GABRG3: variants seen among roughly 807,000 people sequenced by gnomAD.
GABRG3 encodes gamma-aminobutyric acid receptor subunit gamma-3.
Under a neutral mutation model 48.8 loss-of-function variants are expected in GABRG3, and 25 were observed. The observed-to-expected ratio is 0.51, with a 90% CI of 0.37 to 0.72. The LOEUF (loss-of-function observed/expected upper bound fraction) is 0.72, where lower values mean the gene tolerates loss of function less well. Ranked by LOEUF, GABRG3 falls within the 30% of genes least tolerant of loss-of-function variation. The probability of loss-of-function intolerance (pLI) is 0.00; values close to 1 mark genes in which losing one functional copy is unlikely to be tolerated. For synonymous variants in GABRG3, 227 were observed against 217.6 expected, an observed-to-expected ratio of 1.04 and a Z score of -0.38; for missense variants, 394 against 577.9, an observed-to-expected ratio of 0.68 and a Z score of 3.26.
chr15:27,397,947 G>A lies in GABRG3; in HGVS notation c.574+69059G>A, dbSNP rs569495772. Among the ~76,000 whole-genome samples the A allele has an allele frequency of 2.0e-5, 3 of 151,994 alleles. No individual in the cohort carries two copies. In the East Asian group the frequency reaches 5.8e-4, roughly 30 times the overall value. On this transcript the variant is annotated intron_variant, in intron 5 of 9. Coordinates refer to ENST00000615808, the MANE Select transcript of GABRG3 (RefSeq NM_033223.5). ...AGCCTCCCGAGTAGCTGGGACTACAGGCGCCCGCCACCACGCCCGGCTAAA... is the reference window on the plus strand; with the variant it reads ...AGCCTCCCGAGTAGCTGGGACTACAAGCGCCCGCCACCACGCCCGGCTAAA...
intron 6 of GABRG3, among the ~76,000 whole-genome samples, chr15:27,491,459 G>GT: frequency 6.6e-6 from 1 of 152,272 alleles, no homozygotes. Flanking sequence ...TCCGTAGGGG[G>GT]TTTCCTTGAG....
intron 2 of GABRG3, among the ~76,000 whole-genome samples, chr15:27,016,497 G>T (rs939472623): frequency 2.0e-5 from 3 of 152,032 alleles, no homozygotes; most frequent in Non-Finnish European, 4.4e-5. Context: ...CCTTGTACAT[G>T]ATAAGTCACT....
intron 3 of GABRG3, among the ~76,000 whole-genome samples, chr15:27,028,116 T>C (rs1269542073): frequency 6.6e-6 from 1 of 152,184 alleles, no homozygotes; most frequent in Non-Finnish European, 1.5e-5. Flanking sequence ...TAGACGGGAA[T>C]TTTCATGTGG....
intron 3 of GABRG3, among the ~76,000 whole-genome samples, chr15:27,228,186 A>G (rs1889684607): frequency 6.6e-6 from 1 of 152,220 alleles, no homozygotes; most frequent in South Asian, 2.1e-4. Context: ...TATTAAGCTC[A>G]GTTCCCAATA....
intron 5 of GABRG3, among the ~76,000 whole-genome samples, chr15:27,469,719 A>G (rs909632657): frequency 1.3e-5 from 2 of 152,124 alleles, no homozygotes; most frequent in Non-Finnish European, 2.9e-5. Flanking sequence ...CAAATCTCAC[A>G]CATCCTAGGT....
intron 3 of GABRG3, among the ~76,000 whole-genome samples, chr15:27,124,702 A>G (rs1897788887): frequency 6.6e-6 from 1 of 152,190 alleles, no homozygotes; most frequent in Non-Finnish European, 1.5e-5. Flanking sequence ...GGGAAGGCCC[A>G]GTAGACCCTG....
intron 3 of GABRG3, among the ~76,000 whole-genome samples, chr15:27,135,511 A>T (rs749990057): frequency 2.6e-5 from 4 of 151,722 alleles, no homozygotes; most frequent in Non-Finnish European, 4.4e-5. Context: ...GATCATTTGG[A>T]TGGATCAGAC....
chr15:27,015,784 T>C (rs1033870942), intron 2 of GABRG3, among the ~76,000 whole-genome samples: 1 of 152,164 alleles, frequency 6.6e-6, no homozygotes, highest in Non-Finnish European at 1.5e-5. Context: ...TTACATGAAA[T>C]ATAACAATCT....
intron 3 of GABRG3, among the ~76,000 whole-genome samples, chr15:27,215,188 G>T (rs1025093387): frequency 6.6e-6 from 1 of 152,274 alleles, no homozygotes; most frequent in Non-Finnish European, 1.5e-5. Flanking sequence ...CTCCTTGCAG[G>T]GGGAAGTGAG....
chr15:27,103,886 C>A (rs1362914559), intron 3 of GABRG3, among the ~76,000 whole-genome samples: 1 of 152,200 alleles, frequency 6.6e-6, no homozygotes, highest in Admixed American at 6.5e-5. Flanking sequence ...GAATTATACA[C>A]CTTTCAAATG....
intron 6 of GABRG3, among the ~76,000 whole-genome samples, chr15:27,502,583 T>C (rs1327937065): frequency 6.6e-6 from 1 of 152,084 alleles, no homozygotes; most frequent in Non-Finnish European, 1.5e-5. Context: ...CATCAAATCC[T>C]AAAGGTTGAG....
intron 3 of GABRG3, among the ~76,000 whole-genome samples, chr15:27,280,663 T>A (rs1194673159): frequency 6.6e-6 from 1 of 152,246 alleles, no homozygotes; most frequent in African/African-American, 2.4e-5. Flanking sequence ...GTAATTACAT[T>A]TCAGTTTGAA....
intron 3 of GABRG3, among the ~76,000 whole-genome samples, chr15:27,260,543 ATATT>A (rs1890739231): frequency 6.6e-6 from 1 of 152,170 alleles, no homozygotes; most frequent in Non-Finnish European, 1.5e-5. Context: ...TAAATAAAAA[ATATT>A]TAAATTGTGC....
At chr15:27,192,432 T>G (rs553774518) in intron 3 of GABRG3, among the ~76,000 whole-genome samples, 20 of 152,318 alleles carry the variant, frequency 1.3e-4, no homozygotes, top group African/African-American at 4.8e-4. Context: ...TTCTTTTTAT[T>G]CTTTTTTCTC....
chr15:27,342,765 G>T (rs563879160), intron 5 of GABRG3, among the ~76,000 whole-genome samples: 3 of 152,190 alleles, frequency 2.0e-5, no homozygotes, highest in Non-Finnish European at 2.9e-5. Context: ...GAACCAAGGC[G>T]GGGAGGCTGC....
chr15:27,452,141 C>T (rs1466196900), intron 5 of GABRG3, among the ~76,000 whole-genome samples: 1 of 152,140 alleles, frequency 6.6e-6, no homozygotes, highest in African/African-American at 2.4e-5. Flanking sequence ...GTCAACATCA[C>T]TAATTGTCGG....
At chr15:27,068,878 C>T (rs1896781064) in intron 3 of GABRG3, among the ~76,000 whole-genome samples, 1 of 152,178 alleles carries the variant, frequency 6.6e-6, no homozygotes, top group South Asian at 2.1e-4. Flanking sequence ...TCTTACTCTC[C>T]CAGTCTCCCT....
chr15:27,150,233 A>G (rs754907429), intron 3 of GABRG3, among the ~76,000 whole-genome samples: 13 of 152,180 alleles, frequency 8.5e-5, no homozygotes, highest in Non-Finnish European at 1.9e-4. Flanking sequence ...TACAGAGGAA[A>G]AAATGTGAAC....
intron 5 of GABRG3, among the ~76,000 whole-genome samples, chr15:27,339,950 A>C (rs1894110394): frequency 6.6e-6 from 1 of 152,000 alleles, no homozygotes; most frequent in African/African-American, 2.4e-5. Flanking sequence ...GAGTTGATGG[A>C]GGGAGGAGGC....
Sources: gnomAD v4.1 joint callset for allele counts (sites outside exome capture counted in the v4.1 genomes callset) on GRCh38, gnomAD v4.1.1 for gene constraint, MANE v1.5 for transcripts, NCBI Gene and HGNC (gene_info 2026-07-23, HGNC 2026-07-21) for gene names.